The following TJP1 variants were observed in gnomAD, a reference collection of about 807,000 sequenced individuals.
The protein encoded by TJP1 is tight junction protein 1.
TJP1 carries 43 observed loss-of-function variants against 194.2 expected under a neutral mutation model. That is an observed-to-expected ratio of 0.22 (90% CI 0.17 to 0.29). The LOEUF (loss-of-function observed/expected upper bound fraction) is 0.29. Among genes scored for constraint, TJP1 ranks in the 10% least tolerant of loss-of-function variants. The pLI, the probability that TJP1 is intolerant of heterozygous loss-of-function variation, is 1.00. For synonymous variants in TJP1, 801 were observed against 779.0 expected, an observed-to-expected ratio of 1.03 and a Z score of -0.47; for missense variants, 1,971 against 2,185.7, an observed-to-expected ratio of 0.90 and a Z score of 1.96.
At chr15:29,743,223 C>G (rs2044541895) in intron 8 of TJP1, among the ~76,000 whole-genome samples, 1 of 152,008 alleles carries the variant, frequency 6.6e-6, no homozygotes, top group African/African-American at 2.4e-5. Context: ...AAGTAAGACT[C>G]AATGAAGCCA....
intron 2 of TJP1, among the ~76,000 whole-genome samples, chr15:29,906,468 A>AAAAT (rs71103415): frequency 0.21 from 28,988 of 138,732 alleles, 3,172 homozygotes; most frequent in South Asian, 0.27. Flanking sequence ...ACTCCGTCTC[A>AAAAT]AAATAAATAA....
At chr15:29,705,435 T>C (rs902234980) in intron 26 of TJP1, 93 bp downstream of exon 26, 3 of 1,273,570 alleles carry the variant, frequency 2.4e-6, no homozygotes, top group African/African-American at 1.5e-5. Flanking sequence ...GATAGAGAGG[T>C]GCTGCATTAT....
At chr15:29,744,779 T>C (rs2044655715) in intron 8 of TJP1, among the ~76,000 whole-genome samples, 2 of 152,158 alleles carry the variant, frequency 1.3e-5, no homozygotes, top group Non-Finnish European at 1.5e-5. Flanking sequence ...TCGACAATTA[T>C]CAATACTCTA....
At chr15:29,716,861 C>T (rs369918955) in intron 22 of TJP1, 23 bp from the exon 23 acceptor site, 14 of 1,552,076 alleles carry the variant, frequency 9.0e-6, no homozygotes, top group African/African-American at 8.2e-5. Context: ...GAATGACAAA[C>T]GGAACACCTT....
chr15:29,707,295 A>G (rs963167121), intron 25 of TJP1, among the ~76,000 whole-genome samples: 1 of 152,206 alleles, frequency 6.6e-6, no homozygotes, highest in African/African-American at 2.4e-5. Context: ...GCCAGGGCTC[A>G]AAGGTGAGCA....
chr15:29,943,319 T>C (rs2055149766), intron 2 of TJP1, among the ~76,000 whole-genome samples: 1 of 152,226 alleles, frequency 6.6e-6, no homozygotes, highest in Non-Finnish European at 1.5e-5. Context: ...GTTATAGTTT[T>C]GGCTTCTTTT....
chr15:29,905,992 C>T lies in TJP1; in HGVS notation c.306+50240G>A, dbSNP rs916220671. Reference sequence around the variant, plus strand: ...TAGATTGCAGAATGCCAAGAGTGAACCCAAATGTAAACCATGAACTTTGCA... The same window carrying T: ...TAGATTGCAGAATGCCAAGAGTGAATCCAAATGTAAACCATGAACTTTGCA... On this transcript the variant is annotated intron_variant, in intron 2 of 28. Coordinates refer to the TJP1 transcript ENST00000356107. Among the ~76,000 whole-genome samples the T allele has an allele frequency of 5.3e-5, 8 of 152,236 alleles. No homozygotes were observed. The South Asian group carries it at 1.7e-3, about 32-fold the overall frequency.
intron 2 of TJP1, among the ~76,000 whole-genome samples, chr15:29,923,984 T>C (rs1278804312): frequency 1.3e-5 from 2 of 152,262 alleles, no homozygotes; most frequent in South Asian, 2.1e-4. Context: ...ATTCATTTGT[T>C]ACTCCACCTT....
chr15:29,925,559 C>T (rs780098656), intron 2 of TJP1, among the ~76,000 whole-genome samples: 5 of 152,208 alleles, frequency 3.3e-5, no homozygotes, highest in Non-Finnish European at 5.9e-5. Context: ...TAAGCCGTGG[C>T]ATTCACCAAG....
intron 18 of TJP1, among the ~76,000 whole-genome samples, chr15:29,725,075 TAGA>T (rs1411745104): frequency 2.6e-5 from 4 of 152,216 alleles, no homozygotes; most frequent in Non-Finnish European, 4.4e-5. Context: ...TGTGTTGCTA[TAGA>T]AGGTTAGTAT....
At chr15:29,942,518 C>A (rs2055116254) in intron 2 of TJP1, among the ~76,000 whole-genome samples, 1 of 152,176 alleles carries the variant, frequency 6.6e-6, no homozygotes, top group Admixed American at 6.5e-5. Context: ...AATCTCCTAC[C>A]AATTAGTTGT....
chr15:29,816,917 A>T (rs1596009779), intron 1 of TJP1, among the ~76,000 whole-genome samples: 1 of 152,250 alleles, frequency 6.6e-6, no homozygotes, highest in African/African-American at 2.4e-5. Context: ...CTTCATGATG[A>T]AAACACCAAA....
chr15:29,761,365 A>G, intron 7 of TJP1, 79 bp from the exon 8 acceptor site: 1 of 1,514,140 alleles, frequency 6.6e-7, no homozygotes, highest in Non-Finnish European at 9.0e-7. Context: ...AATAATGAAG[A>G]TAAGCTAGTA....
At chr15:29,831,013 A>G (rs1440236732) in intron 2 of TJP1, among the ~76,000 whole-genome samples, 6 of 152,176 alleles carry the variant, frequency 3.9e-5, no homozygotes, top group Non-Finnish European at 5.9e-5. Context: ...AAAACCCTGA[A>G]TATCTAAAAC....
chr15:29,966,144 C>T (rs1348780739), intron 1 of TJP1, among the ~76,000 whole-genome samples: 1 of 152,202 alleles, frequency 6.6e-6, no homozygotes, highest in Non-Finnish European at 1.5e-5. Context: ...AGTTTCCTAA[C>T]TTTGTGACCA....
chr15:29,910,240 T>A (rs2053971247), intron 2 of TJP1, among the ~76,000 whole-genome samples: 1 of 152,158 alleles, frequency 6.6e-6, no homozygotes, highest in Non-Finnish European at 1.5e-5. Context: ...TGAGAAGAAA[T>A]AAATACAGTA....
chr15:29,929,748 G>T (rs2054644719), intron 2 of TJP1, among the ~76,000 whole-genome samples: 1 of 151,484 alleles, frequency 6.6e-6, no homozygotes, highest in East Asian at 1.9e-4. Context: ...CAAGAAGTCA[G>T]AAAAAGAACA....
chr15:29,800,873 A>G (rs1254392481), intron 1 of TJP1, among the ~76,000 whole-genome samples, 171 bp from the exon 2 acceptor site: 5 of 152,252 alleles, frequency 3.3e-5, no homozygotes, highest in Non-Finnish European at 7.3e-5. Context: ...TTTGCTTTTA[A>G]GAGACAGGAA....
intron 23 of TJP1, among the ~76,000 whole-genome samples, chr15:29,713,559 G>T (rs1214249553): frequency 6.6e-6 from 1 of 152,222 alleles, no homozygotes; most frequent in Non-Finnish European, 1.5e-5. Flanking sequence ...TGTATTTACT[G>T]AAAGAAAGAA....
Sources: allele counts gnomAD v4.1 joint callset (sites outside exome capture counted in the v4.1 genomes callset), GRCh38; gene constraint gnomAD v4.1.1; transcripts MANE v1.5; gene names NCBI Gene and HGNC (gene_info 2026-07-23, HGNC 2026-07-21).